EMC7: variants seen among roughly 807,000 people sequenced by gnomAD.
The protein encoded by EMC7 is endoplasmic reticulum membrane protein complex subunit 7.
EMC7 carries 4 observed loss-of-function variants against 24.4 expected under a neutral mutation model. The ratio of observed to expected loss-of-function variants is 0.16; its 90% CI spans 0.08 to 0.38. The LOEUF (loss-of-function observed/expected upper bound fraction) is 0.38. Ranked by LOEUF, EMC7 falls within the 10% of genes least tolerant of loss-of-function variation. EMC7 has a pLI of 1.00. For synonymous variants in EMC7, 106 were observed against 112.0 expected, an observed-to-expected ratio of 0.95 and a Z score of 0.34; for missense variants, 221 against 300.6, an observed-to-expected ratio of 0.74 and a Z score of 1.96.
At chr15:34,100,509 C>T (rs1901156849) in intron 1 of EMC7, 2 of 152,126 alleles carry the variant, frequency 1.3e-5, no homozygotes, top group Non-Finnish European at 2.9e-5. Context: ...AGAACTTTAT[C>T]ATTAAAACAT....
intron 2 of EMC7, among the ~76,000 whole-genome samples, chr15:34,090,811 T>G (rs1244841250): frequency 6.6e-6 from 1 of 152,236 alleles, no homozygotes; most frequent in Non-Finnish European, 1.5e-5. Flanking sequence ...ATGAATTTAC[T>G]TCATTATACC....
At position 34,095,257 on chromosome 15, in the gene EMC7, C is replaced by A. The variant is rs570083791; in HGVS notation, c.356+638G>T. On this transcript the variant is annotated intron_variant, in intron 2 of 4. Coordinates refer to ENST00000256545, the MANE Select transcript of EMC7 (RefSeq NM_020154.3). ...GATTTGACCAAAGAGGATGCTATTG[C>A]CATGAGACAACAAAATAAATAAATA... Among the ~76,000 whole-genome samples, 15 of 152,258 alleles carry A rather than the reference C, an allele frequency of 9.9e-5. No homozygotes were observed. In the South Asian group the frequency reaches 3.1e-3, roughly 32 times the overall value.
At chr15:34,101,539 C>A (rs1473373597) in intron 1 of EMC7, 65 bp downstream of exon 1, 1 of 1,542,694 alleles carries the variant, frequency 6.5e-7, no homozygotes, top group Non-Finnish European at 8.9e-7. Flanking sequence ...ACACTTAACT[C>A]TCCTGGTGGG....
At chr15:34,089,733 G>C (rs970920276) in intron 3 of EMC7, among the ~76,000 whole-genome samples, 1 of 152,206 alleles carries the variant, frequency 6.6e-6, no homozygotes, top group Non-Finnish European at 1.5e-5. Context: ...GAGGCGGGCA[G>C]ATCACCTGAG....
rs201752471 is a variant in EMC7 at position 34,101,811 on chromosome 15, G to C, written c.29C>G (p.Pro10Arg). Residue 10 changes from proline (P) to arginine (R), a missense_variant, in exon 1 of 5, where the codon CCC (proline) becomes CGC (arginine). Coordinates refer to ENST00000256545, the MANE Select transcript of EMC7 (RefSeq NM_020154.3). ...CGATAGCAGCAGCAGCAGCAGGACGGGAAAGAAGCCCCACAGAGCGGCCGC... is the reference window on the plus strand; with the variant it reads ...CGATAGCAGCAGCAGCAGCAGGACGCGAAAGAAGCCCCACAGAGCGGCCGC... MAAALWGFF[P>R]VLLLLLLSGD... 11 of 1,610,654 alleles carry C rather than the reference G, an allele frequency of 6.8e-6. No homozygotes were observed. Among genetic ancestry groups the C allele is most frequent in the South Asian group, 1.1e-5 (1 of 90,974 alleles).
At chr15:34,094,748 C>T (rs1355712555) in intron 2 of EMC7, among the ~76,000 whole-genome samples, 2 of 151,920 alleles carry the variant, frequency 1.3e-5, no homozygotes, top group Non-Finnish European at 2.9e-5. Context: ...GTTTAGTATA[C>T]ATGCTAAAAG....
Position 34,090,678 on chromosome 15 carries a change from C to A in EMC7, c.357-223G>T, listed in dbSNP as rs761488152. On this transcript the variant is annotated intron_variant, in intron 2 of 4. Transcript: ENST00000256545. ...GAGAAAAAAACGCTAGACTTGGAAT[C>A]TTCTAGCTGCAGCTCTGTCATTACC... 1.8e-4 allele frequency among the ~76,000 whole-genome samples: 28 copies of A among 152,180 alleles called. 1 individual carries two copies. The highest frequency in any genetic ancestry group is 2.1e-4 in the Non-Finnish European group (14 of 68,030).
At chr15:34,087,473 C>A (rs1900907799) in intron 4 of EMC7, among the ~76,000 whole-genome samples, 1 of 152,198 alleles carries the variant, frequency 6.6e-6, no homozygotes. Context: ...TATCCATCCC[C>A]CTTGGTCTAT....
intron 1 of EMC7, 79 bp from the exon 2 acceptor site, chr15:34,096,093 T>G: frequency 1.4e-6 from 2 of 1,386,660 alleles, no homozygotes; most frequent in Non-Finnish European, 1.9e-6. Context: ...CCAAATCAAC[T>G]CTCCCGAAAA....
chr15:34,100,840 T>A (rs1447064545), intron 1 of EMC7: 1 of 152,166 alleles, frequency 6.6e-6, no homozygotes, highest in East Asian at 1.9e-4. Context: ...TGCCTAGACA[T>A]TTCAAAAGCA....
intron 1 of EMC7, 32 bp downstream of exon 1, chr15:34,101,572 A>G (rs936979766): frequency 1.2e-6 from 2 of 1,608,318 alleles, no homozygotes; most frequent in Middle Eastern, 1.7e-4. Flanking sequence ...CCTCCATCCC[A>G]GCCTTTTTCC....
intron 1 of EMC7, among the ~76,000 whole-genome samples, chr15:34,098,573 A>T: frequency 6.8e-6 from 1 of 148,128 alleles, no homozygotes. Context: ...CTCCCGCCTC[A>T]GCCTCCCTAG....
At chr15:34,090,902 C>A (rs948380809) in intron 2 of EMC7, among the ~76,000 whole-genome samples, 7 of 152,036 alleles carry the variant, frequency 4.6e-5, no homozygotes, top group African/African-American at 7.2e-5. Context: ...GGCTATATTG[C>A]CAGAAAATGT....
At chr15:34,101,549 G>A in intron 1 of EMC7, 55 bp downstream of exon 1, 1 of 1,564,324 alleles carries the variant, frequency 6.4e-7, no homozygotes, top group Non-Finnish European at 8.8e-7. Context: ...CTCCTGGTGG[G>A]GTCCCTGTCC....
intron 2 of EMC7, among the ~76,000 whole-genome samples, chr15:34,091,875 G>A (rs547560090): frequency 2.4e-4 from 36 of 152,076 alleles, no homozygotes; most frequent in Non-Finnish European, 3.8e-4. Flanking sequence ...GAAAATGTTC[G>A]TCATATTTTT....
At position 34,101,599 on chromosome 15, in the gene EMC7, C is replaced by T; in HGVS notation, c.236+5G>A. On this transcript the variant is annotated splice_donor_5th_base_variant and intron_variant, in intron 1 of 4. Transcript: ENST00000256545. Reference sequence around the variant, plus strand: ...CCTTTTTCCCGCTGCCCTCAGGATGCTCACTTAAGGAAACCGACGTGCTCT... The same window carrying T: ...CCTTTTTCCCGCTGCCCTCAGGATGTTCACTTAAGGAAACCGACGTGCTCT... 6.2e-7 allele frequency: 1 copy of T among 1,613,514 alleles called. No individual in the cohort carries two copies. The highest frequency in any genetic ancestry group is 8.5e-7 in the Non-Finnish European group (1 of 1,179,726).
intron 2 of EMC7, 99 bp from the exon 3 acceptor site, chr15:34,090,554 T>G: frequency 7.8e-7 from 1 of 1,276,008 alleles, no homozygotes; most frequent in South Asian, 2.2e-5. Context: ...TATACACACT[T>G]TCAGCTTTTT....
chr15:34,094,391 G>A (rs1004888886), intron 2 of EMC7, among the ~76,000 whole-genome samples: 3 of 151,898 alleles, frequency 2.0e-5, no homozygotes, highest in East Asian at 1.9e-4. Context: ...AAAATTAGCC[G>A]GGCGTTGGTG....
chr15:34,097,787 G>A (rs974451099), intron 1 of EMC7, among the ~76,000 whole-genome samples: 2 of 151,874 alleles, frequency 1.3e-5, no homozygotes, highest in African/African-American at 2.4e-5. Context: ...TGACTAATAC[G>A]GTGAAACCCT....
Sources: gnomAD v4.1 joint callset for allele counts (sites outside exome capture counted in the v4.1 genomes callset) on GRCh38, gnomAD v4.1.1 for gene constraint, MANE v1.5 for transcripts, NCBI Gene and HGNC (gene_info 2026-07-23, HGNC 2026-07-21) for gene names.